EPAS1: variants seen among roughly 807,000 people sequenced by gnomAD.
The protein encoded by EPAS1 is endothelial PAS domain protein 1.
In EPAS1, 23 loss-of-function variants were observed where a neutral mutation model predicts 87.9. The observed-to-expected ratio is 0.26, with a 90% CI of 0.19 to 0.37. The LOEUF (loss-of-function observed/expected upper bound fraction) is 0.37, where lower values mean the gene tolerates loss of function less well. EPAS1 is among the 10% of genes least tolerant of loss of function. EPAS1 has a pLI of 1.00. For synonymous variants in EPAS1, 508 were observed against 444.3 expected, an observed-to-expected ratio of 1.14 and a Z score of -1.80; for missense variants, 1,138 against 1,120.7, an observed-to-expected ratio of 1.02 and a Z score of -0.22.
intron 1 of EPAS1, among the ~76,000 whole-genome samples, chr2:46,337,047 G>A (rs1448096454): frequency 6.6e-6 from 1 of 152,210 alleles, no homozygotes; most frequent in Admixed American, 6.5e-5. Flanking sequence ...AGAATTCTTA[G>A]GAAAGATCTA....
chr2:46,352,058 C>T (rs1464019786), intron 2 of EPAS1, among the ~76,000 whole-genome samples: 2 of 152,238 alleles, frequency 1.3e-5, no homozygotes, highest in African/African-American at 4.8e-5. Flanking sequence ...TCTTGTTATG[C>T]TCCCCAGGAC....
intron 1 of EPAS1, among the ~76,000 whole-genome samples, chr2:46,314,925 G>C (rs1035474225): frequency 1.3e-5 from 2 of 152,164 alleles, no homozygotes; most frequent in African/African-American, 4.8e-5. Context: ...AAAAGGGATA[G>C]TTGTGCTTGC....
chr2:46,315,877 A>G (rs570098385), intron 1 of EPAS1, among the ~76,000 whole-genome samples: 6 of 152,254 alleles, frequency 3.9e-5, no homozygotes, highest in Non-Finnish European at 8.8e-5. Flanking sequence ...ACACACATCT[A>G]TCTCCATGAA....
chr2:46,325,266 C>T (rs1683529691), intron 1 of EPAS1, among the ~76,000 whole-genome samples: 1 of 152,146 alleles, frequency 6.6e-6, no homozygotes, highest in Admixed American at 6.5e-5. Flanking sequence ...AGTATTACTG[C>T]CCTTGGGAAT....
intron 6 of EPAS1, 112 bp from the exon 7 acceptor site, chr2:46,369,715 G>T: frequency 1.3e-6 from 1 of 743,144 alleles, no homozygotes. Flanking sequence ...TCTGGATTGT[G>T]TTCATCTGCA....
chr2:46,364,181 G>A (rs1189832889), intron 6 of EPAS1, among the ~76,000 whole-genome samples: 1 of 152,136 alleles, frequency 6.6e-6, no homozygotes, highest in Non-Finnish European at 1.5e-5. Context: ...TGGGGTGAGG[G>A]GTTCTCCATT....
At chr2:46,365,327 C>T (rs1391229118) in intron 6 of EPAS1, among the ~76,000 whole-genome samples, 2 of 152,030 alleles carry the variant, frequency 1.3e-5, no homozygotes, top group African/African-American at 4.8e-5. Flanking sequence ...TTAGGGCAAC[C>T]CTGTTTTGTC....
At chr2:46,297,997 G>T in intron 1 of EPAS1, 60 bp downstream of exon 1, 1 of 1,596,180 alleles carries the variant, frequency 6.3e-7, no homozygotes, top group Non-Finnish European at 8.5e-7. Context: ...GGCTGCGCGG[G>T]GCAGGCGCGA....
In EPAS1 at chr2:46,356,279, A is replaced by G; in HGVS notation, c.346A>G (p.Ser116Gly). The change falls in exon 3 of 16, where the codon AGC (serine) becomes GGC (glycine). Residue 116 changes from serine to glycine, a missense_variant. By Grantham distance (56) the Ser-to-Gly change is moderately conservative. Transcript: ENST00000263734. ...GDMIFLSENI[S>G]KFMGLTQVEL... Reference sequence around the variant, plus strand: ...CATGATCTTTCTGTCAGAAAACATCAGCAAGTTCATGGGACTTACACAGGT... The same window carrying G: ...CATGATCTTTCTGTCAGAAAACATCGGCAAGTTCATGGGACTTACACAGGT... 1.2e-6 allele frequency: 2 copies of G among 1,614,222 alleles called. No individual in the cohort carries two copies. The highest frequency in any genetic ancestry group is 2.7e-5 in the African/African-American group (2 of 75,044).
intron 1 of EPAS1, chr2:46,335,939 G>A (rs541275932): frequency 5.3e-5 from 8 of 152,292 alleles, no homozygotes; most frequent in South Asian, 2.1e-4. Context: ...TGGCTCACTC[G>A]GCCTCTGTCC....
chr2:46,350,720 A>G (rs1306320204), intron 2 of EPAS1, among the ~76,000 whole-genome samples: 2 of 152,238 alleles, frequency 1.3e-5, no homozygotes, highest in African/African-American at 2.4e-5. Flanking sequence ...TTTGCTTTTC[A>G]TTGTAAAACT....
In EPAS1 at chr2:46,360,642, T is replaced by A. The variant is rs1684366182; in HGVS notation, c.459T>A (p.Ser153=). 1 of 1,613,816 alleles carries A rather than the reference T, an allele frequency of 6.2e-7. No individual in the cohort carries two copies. The highest frequency in any genetic ancestry group is 1.7e-5 in the Admixed American group (1 of 60,008). The part of the protein sequence containing the change: ...IRENLSLKNG[S]GFGKKSKDMS... ...TTCCCATCCTTCCACATCCAGGCTC[T>A]GGTTTTGGGAAAAAAAGCAAAGACA... is the stretch of plus-strand genomic sequence containing the variant. Residue 153 remains serine, a synonymous_variant, in exon 5 of 16, where the codon TCT becomes TCA. Coordinates refer to ENST00000263734, the MANE Select transcript of EPAS1 (RefSeq NM_001430.5). The surrounding 1 kb of genome is among the most constrained non-coding windows in gnomAD (Gnocchi z 4.5).
chr2:46,352,490 C>T (rs372621043), intron 2 of EPAS1, among the ~76,000 whole-genome samples: 3 of 151,608 alleles, frequency 2.0e-5, no homozygotes, highest in East Asian at 1.9e-4. Context: ...TTCCCATGTC[C>T]GTAACACTGA....
intron 1 of EPAS1, among the ~76,000 whole-genome samples, chr2:46,303,058 G>T (rs1196030700): frequency 6.6e-6 from 1 of 152,166 alleles, no homozygotes; most frequent in African/African-American, 2.4e-5. Flanking sequence ...GGGTGACAGA[G>T]CGAGACAACG....
At chr2:46,337,293 G>A (rs1683813474) in intron 1 of EPAS1, among the ~76,000 whole-genome samples, 1 of 152,210 alleles carries the variant, frequency 6.6e-6, no homozygotes, top group Admixed American at 6.5e-5. Context: ...TCTGAAATGG[G>A]ACTTGGAGGA....
intron 3 of EPAS1, 115 bp downstream of exon 3, chr2:46,356,417 G>A (rs958455221): frequency 1.1e-5 from 14 of 1,326,176 alleles, no homozygotes; most frequent in Non-Finnish European, 1.5e-5. Context: ...TGCCCACGGT[G>A]ACCCTCGCTG....
chr2:46,331,215 C>T (rs1392404190), intron 1 of EPAS1, among the ~76,000 whole-genome samples: 1 of 152,224 alleles, frequency 6.6e-6, no homozygotes, highest in Non-Finnish European at 1.5e-5. Flanking sequence ...GGCACATGCG[C>T]TTGGCCTGGT....
chr2:46,346,912 T>C lies in EPAS1; in HGVS notation c.66T>C (p.Ala22=), dbSNP rs749668860. 1.2e-5 allele frequency: 19 copies of C among 1,614,080 alleles called. No individual in the cohort carries two copies. The highest frequency in any genetic ancestry group is 1.6e-4 in the Middle Eastern group (1 of 6,084). The change falls in exon 2 of 16, where the codon GCT becomes GCC. Residue 22 remains alanine (A), a synonymous_variant. Coordinates refer to ENST00000263734, the MANE Select transcript of EPAS1 (RefSeq NM_001430.5). This position sits in a 1 kb window ranked among gnomAD's most constrained non-coding sequence, Gnocchi z 4.0. ...GGAGGAAGGAGAAGTCCCGGGATGC[T>C]GCGCGGTGCCGGCGGAGCAAGGAGA... ...SERRKEKSRD[A]ARCRRSKETE... is the part of the protein sequence containing the mutation.
chr2:46,356,875 C>T (rs570779627), intron 4 of EPAS1, 67 bp downstream of exon 4: 101 of 1,173,266 alleles, frequency 8.6e-5, no homozygotes, highest in Non-Finnish European at 1.2e-4. Flanking sequence ...CCTTTGTCTA[C>T]GGGTATAAGG....
Sources: allele counts gnomAD v4.1 joint callset (sites outside exome capture counted in the v4.1 genomes callset), GRCh38; gene constraint gnomAD v4.1.1; non-coding constraint Gnocchi (gnomAD v3.1); transcripts MANE v1.5; gene names NCBI Gene and HGNC (gene_info 2026-07-23, HGNC 2026-07-21).